Variants in UST observed in about 807,000 individuals in gnomAD.
UST encodes the protein uronyl 2-sulfotransferase, also known as chondroitin sulfate 2-O-sulfotransferase.
A neutral mutation model predicts 45.6 loss-of-function variants in UST; 21 were observed. The observed-to-expected ratio is 0.46, with a 90% CI of 0.33 to 0.66. UST has a LOEUF of 0.66. Among genes scored for constraint, UST ranks in the 30% least tolerant of loss-of-function variants. UST has a pLI of 0.02. For missense variants in UST, 463 were observed against 512.4 expected (o/e 0.90, Z 0.93); for synonymous variants, 215 against 200.6 (o/e 1.07, Z -0.61).
intron 1 of UST, among the ~76,000 whole-genome samples, chr6:148,770,278 GAGCTGGGCATTGA>G (rs1008120237): frequency 6.6e-6 from 1 of 151,318 alleles, no homozygotes; most frequent in African/African-American, 2.4e-5. Flanking sequence ...GGTGACACTT[GAGCTGGGCATTGA>G]AGCATAAATA....
chr6:148,990,435 T>G, intron 5 of UST: 10 of 984,680 alleles, frequency 1.0e-5, no homozygotes, highest in Non-Finnish European at 1.2e-5. Flanking sequence ...ATAAGGTAAC[T>G]AGATGGTATT....
At chr6:148,914,161 A>G (rs1185597702) in intron 2 of UST, among the ~76,000 whole-genome samples, 1 of 152,222 alleles carries the variant, frequency 6.6e-6, no homozygotes, top group Non-Finnish European at 1.5e-5. Flanking sequence ...GTGGTGCTGA[A>G]TGTTTTCCAT....
intron 1 of UST, among the ~76,000 whole-genome samples, chr6:148,761,054 C>CTG (rs937520856): frequency 6.6e-6 from 1 of 152,214 alleles, no homozygotes; most frequent in African/African-American, 2.4e-5. Flanking sequence ...CTCTTCGAAG[C>CTG]TGTGGTATTT....
At chr6:148,840,129 A>G (rs908845059) in intron 1 of UST, among the ~76,000 whole-genome samples, 4 of 152,226 alleles carry the variant, frequency 2.6e-5, no homozygotes, top group African/African-American at 7.2e-5. Flanking sequence ...GGCAAGAGGA[A>G]CAAAAGGAAT....
At chr6:148,917,753 G>A (rs950611732) in intron 2 of UST, among the ~76,000 whole-genome samples, 6 of 152,230 alleles carry the variant, frequency 3.9e-5, no homozygotes, top group Non-Finnish European at 7.3e-5. Context: ...CAGGGGATGT[G>A]ACTCAAAACT....
chr6:148,832,429 A>G (rs1203644733), intron 1 of UST, among the ~76,000 whole-genome samples: 1 of 152,166 alleles, frequency 6.6e-6, no homozygotes, highest in Non-Finnish European at 1.5e-5. Flanking sequence ...CATCTTGCTT[A>G]TGGATATAAT....
At chr6:149,055,645 T>C (rs1776551285) in intron 7 of UST, among the ~76,000 whole-genome samples, 1 of 152,246 alleles carries the variant, frequency 6.6e-6, no homozygotes, top group South Asian at 2.1e-4. Context: ...CACCTCTTTC[T>C]TACCTGCTTC....
intron 1 of UST, among the ~76,000 whole-genome samples, chr6:148,777,606 A>G (rs964588172): frequency 6.6e-6 from 1 of 152,134 alleles, no homozygotes; most frequent in African/African-American, 2.4e-5. Context: ...GTGCAATGAC[A>G]CAATCTCAGC....
At chr6:149,040,332 G>T (rs1474062813) in intron 7 of UST, among the ~76,000 whole-genome samples, 1 of 152,030 alleles carries the variant, frequency 6.6e-6, no homozygotes, top group East Asian at 1.9e-4. Flanking sequence ...CCTGCAAAAT[G>T]CCTGTAGATA....
intron 1 of UST, among the ~76,000 whole-genome samples, chr6:148,844,388 G>A (rs979655000): frequency 3.3e-5 from 5 of 152,086 alleles, no homozygotes; most frequent in East Asian, 1.9e-4. Flanking sequence ...CCCAGTTCTC[G>A]CCTGTTTTCA....
intron 5 of UST, among the ~76,000 whole-genome samples, chr6:148,982,803 G>T (rs551590201): frequency 6.6e-6 from 1 of 152,278 alleles, no homozygotes; most frequent in East Asian, 1.9e-4. Context: ...GTTGTCATTA[G>T]TCCAACAAAT....
chr6:148,761,910 T>A (rs1051092149), intron 1 of UST, among the ~76,000 whole-genome samples: 2 of 152,234 alleles, frequency 1.3e-5, no homozygotes, highest in African/African-American at 4.8e-5. Context: ...CTCTAACAGC[T>A]GCATGGGACA....
rs1778069755 is a variant in UST, at chr6:148,849,770, C to T, written c.248-37216C>T. On this transcript the variant is annotated intron_variant, in intron 1 of 7. Coordinates refer to ENST00000367463, the MANE Select transcript of UST (RefSeq NM_005715.3). ...AACTGCCCCCATGATTCAATAACCT[C>T]CACCTCGTCCTGCCCTTGACACGTG... Among the ~76,000 whole-genome samples, 4 of 152,182 alleles carry T rather than the reference C, an allele frequency of 2.6e-5. 1 individual carries two copies. The South Asian group carries it at 8.3e-4, about 32-fold the overall frequency.
chr6:149,043,573 C>A (rs1776357807), intron 7 of UST, among the ~76,000 whole-genome samples: 1 of 152,224 alleles, frequency 6.6e-6, no homozygotes, highest in Non-Finnish European at 1.5e-5. Flanking sequence ...CTGGCCCTAC[C>A]ACGGGAGAGG....
At chr6:148,926,448 G>T (rs73778964) in intron 2 of UST, among the ~76,000 whole-genome samples, 3,670 of 152,300 alleles carry the variant, frequency 0.024, 163 homozygotes, top group African/African-American at 0.084. Flanking sequence ...AGCAGTCCAG[G>T]TCTGGTGTGG....
chr6:148,793,178 C>A (rs1364002409), intron 1 of UST, among the ~76,000 whole-genome samples: 2 of 151,814 alleles, frequency 1.3e-5, no homozygotes, highest in African/African-American at 4.8e-5. Flanking sequence ...AAAATGTAGC[C>A]AGTAGTTATC....
At chr6:149,043,520 A>G (rs1776357235) in intron 7 of UST, among the ~76,000 whole-genome samples, 1 of 152,264 alleles carries the variant, frequency 6.6e-6, no homozygotes, top group African/African-American at 2.4e-5. Flanking sequence ...TGAGCATTCC[A>G]GTCTGTGTGG....
intron 1 of UST, among the ~76,000 whole-genome samples, chr6:148,862,250 A>AAT (rs578008207): frequency 0.014 from 2,151 of 152,272 alleles, 31 homozygotes; most frequent in Admixed American, 0.025. Flanking sequence ...GCCATTATGT[A>AAT]ATGGCCTTCT....
At chr6:148,813,929 A>AC (rs886772946) in intron 1 of UST, among the ~76,000 whole-genome samples, 3 of 151,564 alleles carry the variant, frequency 2.0e-5, no homozygotes, top group African/African-American at 4.9e-5. Context: ...TTGAGTCCAC[A>AC]CCCCCCCTTT....
Sources: gnomAD v4.1 joint callset for allele counts (sites outside exome capture counted in the v4.1 genomes callset) on GRCh38, gnomAD v4.1.1 for gene constraint, MANE v1.5 for transcripts, NCBI Gene and HGNC (gene_info 2026-07-23, HGNC 2026-07-21) for gene names.